Variants in MSH4 observed in about 807,000 individuals in gnomAD.
MSH4 encodes the protein mutS homolog 4.
In MSH4, 106 loss-of-function variants were observed where a neutral mutation model predicts 113.7. The observed-to-expected ratio is 0.93, with a 90% confidence interval of 0.80 to 1.10. The LOEUF is 1.10. MSH4 is among the 50% of genes least tolerant of loss of function. The pLI, the probability that MSH4 is intolerant of heterozygous loss-of-function variation, is 0.00. For synonymous variants in MSH4, 368 were observed against 380.2 expected, an observed-to-expected ratio of 0.97 and a Z score of 0.37; for missense variants, 1,061 against 1,093.7, an observed-to-expected ratio of 0.97 and a Z score of 0.42.
chr1:75,895,905 A>G (rs1557529270), intron 17 of MSH4, among the ~76,000 whole-genome samples: 1 of 152,104 alleles, frequency 6.6e-6, no homozygotes, highest in Admixed American at 6.6e-5. Flanking sequence ...CAAGTTTACA[A>G]GGGGTGGATT....
At chr1:75,822,849 G>A (rs563406698) in intron 7 of MSH4, among the ~76,000 whole-genome samples, 6 of 151,478 alleles carry the variant, frequency 4.0e-5, no homozygotes, top group Non-Finnish European at 8.8e-5. Flanking sequence ...GTTGTTCATA[G>A]ATACTTTACA....
intron 14 of MSH4, among the ~76,000 whole-genome samples, chr1:75,881,909 T>C (rs1309034622): frequency 6.6e-6 from 1 of 152,072 alleles, no homozygotes; most frequent in Non-Finnish European, 1.5e-5. Context: ...ACATTTCTTA[T>C]CTAACTTACC....
At chr1:75,874,744 G>A (rs1651780710) in intron 9 of MSH4, among the ~76,000 whole-genome samples, 1 of 152,132 alleles carries the variant, frequency 6.6e-6, no homozygotes, top group Admixed American at 6.6e-5. Flanking sequence ...CTGTGATGCT[G>A]TTCAATGATG....
chr1:75,850,597 A>C (rs571327617), intron 8 of MSH4, among the ~76,000 whole-genome samples: 42 of 152,198 alleles, frequency 2.8e-4, no homozygotes, highest in Non-Finnish European at 5.9e-5. Flanking sequence ...TAAATGTTCC[A>C]TGTGAACTTG....
chr1:75,809,629 C>CTTT (rs35082709), intron 3 of MSH4, among the ~76,000 whole-genome samples: 3 of 96,016 alleles, frequency 3.1e-5, no homozygotes, highest in East Asian at 2.9e-4. Flanking sequence ...CATAGTTACC[C>CTTT]TTTTTTTTTT....
chr1:75,907,993 A>G (rs1390615830), intron 19 of MSH4, among the ~76,000 whole-genome samples: 1 of 149,286 alleles, frequency 6.7e-6, no homozygotes, highest in Non-Finnish European at 1.5e-5. Flanking sequence ...TATAGGCATG[A>G]GCCACTGTGC....
chr1:75,889,130 T>C (rs139618868), intron 15 of MSH4, 121 bp from the exon 16 acceptor site: 273 of 539,302 alleles, frequency 5.1e-4, no homozygotes, highest in Non-Finnish European at 7.9e-4. Context: ...TGTCTTCTAA[T>C]GCCATATCTA....
At chr1:75,881,073 C>T (rs1651921403) in intron 13 of MSH4, among the ~76,000 whole-genome samples, 173 bp from the exon 14 acceptor site, 1 of 151,966 alleles carries the variant, frequency 6.6e-6, no homozygotes, top group African/African-American at 2.4e-5. Flanking sequence ...GCAAAAACTT[C>T]AATTTCCTCA....
chr1:75,901,630 C>A (rs1305227198), intron 19 of MSH4, among the ~76,000 whole-genome samples: 1 of 152,038 alleles, frequency 6.6e-6, no homozygotes, highest in Non-Finnish European at 1.5e-5. Context: ...GGAATATAGA[C>A]ATCTCTTTGA....
At chr1:75,853,652 C>T (rs927369605) in intron 8 of MSH4, among the ~76,000 whole-genome samples, 3 of 151,604 alleles carry the variant, frequency 2.0e-5, no homozygotes, top group Non-Finnish European at 4.4e-5. Flanking sequence ...TGTATTTAAT[C>T]CATATGGACT....
chr1:75,904,521 CTTTT>C (rs113449051), intron 19 of MSH4, among the ~76,000 whole-genome samples: 2 of 148,036 alleles, frequency 1.4e-5, no homozygotes, highest in Admixed American at 6.7e-5. Context: ...CTTTTTCTTT[CTTTT>C]TTTTTTGACA....
chr1:75,864,950 T>G (rs1459171915), intron 8 of MSH4, among the ~76,000 whole-genome samples: 2 of 152,180 alleles, frequency 1.3e-5, no homozygotes, highest in Non-Finnish European at 2.9e-5. Flanking sequence ...ATTGATGCCC[T>G]GGCAACAGCT....
At chr1:75,798,948 C>G (rs970611953) in intron 1 of MSH4, among the ~76,000 whole-genome samples, 1 of 152,158 alleles carries the variant, frequency 6.6e-6, no homozygotes, top group East Asian at 1.9e-4. Context: ...TCCCTTGCCA[C>G]TTAAATCAGT....
At chr1:75,866,649 G>C (rs1347916645) in intron 8 of MSH4, among the ~76,000 whole-genome samples, 2 of 151,992 alleles carry the variant, frequency 1.3e-5, no homozygotes, top group Admixed American at 6.6e-5. Flanking sequence ...GAACAGTCCA[G>C]GTATTGTGCA....
chr1:75,912,672 ATATTT>A lies in MSH4; in HGVS notation c.2620-22_2620-18del, dbSNP rs748439182. 8.9e-5 allele frequency: 111 copies of A among 1,241,720 alleles called. No individual in the cohort carries two copies. The highest frequency in any genetic ancestry group is 2.8e-4 in the African/African-American group (16 of 56,186). The allele number at this position is 1,241,720 out of a possible 1,614,324, so 76.9% of individuals were successfully genotyped here. ...TTATGGTATTTGTGTATATATATAT[ATATTT>A]TTTTTTTTTCAATGACAGCAAAACC... On this transcript the variant is annotated intron_variant, in intron 19 of 19. Transcript: ENST00000263187.
At chr1:75,850,830 A>G (rs1249406905) in intron 8 of MSH4, among the ~76,000 whole-genome samples, 3 of 151,998 alleles carry the variant, frequency 2.0e-5, no homozygotes, top group African/African-American at 7.2e-5. Flanking sequence ...TTTCAGTTTT[A>G]TCAGTTTTTA....
intron 8 of MSH4, among the ~76,000 whole-genome samples, chr1:75,852,852 C>T (rs1022930656): frequency 9.9e-5 from 15 of 151,900 alleles, no homozygotes; most frequent in Admixed American, 7.2e-4. Context: ...CATGTTAATC[C>T]CCGATCAAAA....
intron 7 of MSH4, among the ~76,000 whole-genome samples, chr1:75,825,786 A>G (rs1650536754): frequency 6.6e-6 from 1 of 152,116 alleles, no homozygotes; most frequent in South Asian, 2.1e-4. Flanking sequence ...GCATATGTTG[A>G]ACTAGCCTTC....
chr1:75,876,985 C>T lies in MSH4; in HGVS notation c.1355C>T (p.Ser452Phe). ...CCTTTATTAAGAGCTTACTATGGTT[C>T]CTTGGAAGACAAGAGGTCTTTGTCA... ...NTPLLRAYYGSLEDKRFGIIL... is the reference protein window; with the variant it reads ...NTPLLRAYYGFLEDKRFGIIL... Residue 452 changes from serine to phenylalanine, a missense_variant, in exon 10 of 20, where the codon TCC becomes TTC. Ser to Phe is a radical substitution (Grantham distance 155). Coordinates refer to ENST00000263187, the MANE Select transcript of MSH4 (RefSeq NM_002440.4). The T allele has an allele frequency of 6.4e-7, 1 of 1,560,798 alleles. No individual in the cohort carries two copies. The highest frequency in any genetic ancestry group is 8.7e-7 in the Non-Finnish European group (1 of 1,153,512).
Sources: allele counts gnomAD v4.1 joint callset (sites outside exome capture counted in the v4.1 genomes callset), GRCh38; gene constraint gnomAD v4.1.1; transcripts MANE v1.5; gene names NCBI Gene and HGNC (gene_info 2026-07-23, HGNC 2026-07-21).